The following TG variants were observed in gnomAD, a reference collection of about 807,000 sequenced individuals.
TG encodes thyroglobulin.
In TG, 270 loss-of-function variants were observed where a neutral mutation model predicts 324.7. The observed-to-expected ratio is 0.83, with a 90% confidence interval of 0.75 to 0.92. The LOEUF (loss-of-function observed/expected upper bound fraction) is 0.92, where lower values mean the gene tolerates loss of function less well. TG is among the 40% of genes least tolerant of loss of function. The pLI is 0.00. For missense variants in TG, 3,591 were observed against 3,456.4 expected (o/e 1.04, Z -0.98); for synonymous variants, 1,401 against 1,327.0 (o/e 1.06, Z -1.21).
chr8:133,127,795 C>G (rs1851633766), intron 45 of TG, among the ~76,000 whole-genome samples: 1 of 152,128 alleles, frequency 6.6e-6, no homozygotes, highest in South Asian at 2.1e-4. Flanking sequence ...GCACCAGCCC[C>G]CACCTGCCCT....
intron 10 of TG, among the ~76,000 whole-genome samples, chr8:132,890,818 A>G (rs756904041): frequency 1.1e-4 from 17 of 152,210 alleles, no homozygotes; most frequent in Non-Finnish European, 2.1e-4. Flanking sequence ...AACTTCCTAC[A>G]TGCATCACCC....
chr8:132,985,681 A>G (rs1313407804), intron 35 of TG, among the ~76,000 whole-genome samples: 1 of 152,102 alleles, frequency 6.6e-6, no homozygotes, highest in Non-Finnish European at 1.5e-5. Flanking sequence ...TCCCTGCTGT[A>G]CCCCTGCCCT....
chr8:132,903,388 C>T (rs1189309258), intron 16 of TG, among the ~76,000 whole-genome samples: 4 of 152,182 alleles, frequency 2.6e-5, no homozygotes, highest in Admixed American at 6.5e-5. Flanking sequence ...GCCTGGCAGG[C>T]CACTCCTGCC....
intron 41 of TG, chr8:133,038,717 C>A (rs770125839): frequency 6.2e-7 from 1 of 1,613,784 alleles, no homozygotes; most frequent in East Asian, 2.2e-5. Flanking sequence ...GTTCTCTGTT[C>A]CCTCGGGGTC....
At chr8:132,918,727 C>A (rs1460273102) in intron 20 of TG, among the ~76,000 whole-genome samples, 1 of 152,188 alleles carries the variant, frequency 6.6e-6, no homozygotes, top group African/African-American at 2.4e-5. Flanking sequence ...AACCTTGAAC[C>A]TCAGTTCTCT....
intron 41 of TG, among the ~76,000 whole-genome samples, chr8:133,070,184 T>G (rs181846931): frequency 6.6e-6 from 1 of 152,126 alleles, no homozygotes; most frequent in African/African-American, 2.4e-5. Flanking sequence ...GTGGTGTAAA[T>G]ACTCCCACCA....
chr8:133,020,512 G>T (rs1835464997), intron 39 of TG, among the ~76,000 whole-genome samples: 1 of 152,162 alleles, frequency 6.6e-6, no homozygotes, highest in Admixed American at 6.5e-5. Flanking sequence ...GCACTTTTAG[G>T]AGGGGGACAC....
At chr8:132,867,503 G>A (rs1015767922) in intron 1 of TG, among the ~76,000 whole-genome samples, 4 of 150,446 alleles carry the variant, frequency 2.7e-5, no homozygotes, top group Admixed American at 1.3e-4. Flanking sequence ...ATATGACTTC[G>A]GGCAAAGTGC....
chr8:132,997,381 G>A (rs527836828), intron 35 of TG, among the ~76,000 whole-genome samples: 2 of 152,320 alleles, frequency 1.3e-5, no homozygotes, highest in East Asian at 3.9e-4. Flanking sequence ...AGCTTGGGCA[G>A]AGGGTCTAGC....
intron 45 of TG, among the ~76,000 whole-genome samples, chr8:133,128,301 A>T (rs1318982935): frequency 1.4e-5 from 2 of 145,292 alleles, no homozygotes; most frequent in Non-Finnish European, 3.0e-5. Flanking sequence ...TCCTCACTGG[A>T]CGGCATTCAA....
chr8:132,893,739 G>A lies in TG; in HGVS notation c.2811G>A (p.Arg937=). The part of the protein sequence containing the change: ...EAKLRVLQFI[R]ETEEIVSASN... The stretch of plus-strand genomic sequence containing the variant: ...AGCTCCGTGTACTGCAGTTCATTAG[G>A]GAAACGGAAGAGATTGTTTCAGCTT... Residue 937 remains arginine, a synonymous_variant, in exon 11 of 48, where the codon AGG becomes AGA. Transcript: ENST00000220616. The A allele has an allele frequency of 6.2e-7, 1 of 1,613,872 alleles. No individual in the cohort carries two copies. Among genetic ancestry groups the A allele is most frequent in the Non-Finnish European group, 8.5e-7 (1 of 1,179,884 alleles).
At chr8:133,067,058 T>G (rs913521959) in intron 41 of TG, among the ~76,000 whole-genome samples, 1 of 152,190 alleles carries the variant, frequency 6.6e-6, no homozygotes, top group African/African-American at 2.4e-5. Flanking sequence ...ACTTGCTCAG[T>G]GCTGCCTGTG....
At chr8:133,106,305 G>T in intron 43 of TG, 4 of 653,738 alleles carry the variant, frequency 6.1e-6, no homozygotes, top group Non-Finnish European at 7.6e-6. Flanking sequence ...CCAGGGGGAA[G>T]CAGCGCTGAG....
At chr8:133,055,372 C>T (rs1841241850) in intron 41 of TG, among the ~76,000 whole-genome samples, 2 of 31,968 alleles carry the variant, frequency 6.3e-5, no homozygotes, top group East Asian at 1.3e-3. Flanking sequence ...CGCGCACACA[C>T]ACACACACAC....
intron 27 of TG, among the ~76,000 whole-genome samples, chr8:132,954,546 G>A (rs947736973): frequency 6.6e-6 from 1 of 152,196 alleles, no homozygotes; most frequent in African/African-American, 2.4e-5. Flanking sequence ...CTAGGCCAAG[G>A]AACAGGGTGT....
chr8:132,877,441 C>T (rs1027367678), intron 5 of TG, among the ~76,000 whole-genome samples: 3 of 152,062 alleles, frequency 2.0e-5, no homozygotes, highest in Non-Finnish European at 2.9e-5. Context: ...CGGTACGGCC[C>T]GCTCTTTTAA....
intron 41 of TG, among the ~76,000 whole-genome samples, chr8:133,077,370 C>A (rs1588014162): frequency 2.0e-5 from 3 of 152,256 alleles, no homozygotes; most frequent in African/African-American, 7.2e-5. Flanking sequence ...GGGCCGCAGG[C>A]TCTTCTCTGT....
In TG at chr8:132,983,394, C is replaced by T. The variant is rs202243807; in HGVS notation, c.6244C>T (p.Pro2082Ser). Residue 2082 changes from proline to serine, a missense_variant, in exon 35 of 48, where the codon CCT becomes TCT. By Grantham distance (74) the Pro-to-Ser change is moderately conservative. Coordinates refer to ENST00000220616, the MANE Select transcript of TG (RefSeq NM_003235.5). ...APSFCPLVVL[P>S]SLTEKVSLDS... Reference sequence around the variant, plus strand: ...CAGTTTTTGCCCTTTGGTTGTTCTGCCTTCCCTCACAGAGAAAGGTAAGTT... The same window carrying T: ...CAGTTTTTGCCCTTTGGTTGTTCTGTCTTCCCTCACAGAGAAAGGTAAGTT... 13 of 1,614,120 alleles carry T rather than the reference C, an allele frequency of 8.1e-6. No individual in the cohort carries two copies. In the Admixed American group the frequency reaches 1.0e-4, roughly 12 times the overall value.
At chr8:132,946,218 G>A (rs1183073859) in intron 26 of TG, among the ~76,000 whole-genome samples, 1 of 152,028 alleles carries the variant, frequency 6.6e-6, no homozygotes, top group Non-Finnish European at 1.5e-5. Context: ...TTTTTTTCAA[G>A]CTGGAAAGGT....
Sources: allele counts gnomAD v4.1 joint callset (sites outside exome capture counted in the v4.1 genomes callset), GRCh38; gene constraint gnomAD v4.1.1; transcripts MANE v1.5; gene names NCBI Gene and HGNC (gene_info 2026-07-23, HGNC 2026-07-21).